The following AOPEP variants were observed in gnomAD, a reference collection of about 807,000 sequenced individuals.
The protein encoded by AOPEP is aminopeptidase O (putative).
In AOPEP, 77 loss-of-function variants were observed where a neutral mutation model predicts 98.1. That is an observed-to-expected ratio of 0.78 (90% CI 0.65 to 0.95). The LOEUF is 0.95. Ranked by LOEUF, AOPEP falls within the 40% of genes least tolerant of loss-of-function variation. AOPEP has a pLI of 0.00. For missense variants in AOPEP, 1,024 were observed against 1,024.7 expected (o/e 1.00, Z 0.01); for synonymous variants, 346 against 365.3 (o/e 0.95, Z 0.60).
intron 13 of AOPEP, among the ~76,000 whole-genome samples, chr9:95,057,650 C>T (rs79218318): frequency 2.6e-5 from 4 of 152,152 alleles, no homozygotes; most frequent in East Asian, 1.9e-4. Context: ...GTGTACTTTG[C>T]GAATGAAAGA....
chr9:94,915,393 T>G (rs2052653038), intron 5 of AOPEP, among the ~76,000 whole-genome samples: 1 of 152,216 alleles, frequency 6.6e-6, no homozygotes, highest in Non-Finnish European at 1.5e-5. Context: ...GATCTAACTT[T>G]GATTTAGCAG....
At chr9:95,077,532 C>G (rs566639336) in intron 14 of AOPEP, among the ~76,000 whole-genome samples, 7 of 152,186 alleles carry the variant, frequency 4.6e-5, no homozygotes, top group Admixed American at 1.3e-4. Flanking sequence ...CAGAAAGACA[C>G]GTTGACCACC....
chr9:95,123,587 G>A, the AOPEP span: 50 of 581,836 alleles, frequency 8.6e-5, 1 homozygote, highest in African/African-American at 5.2e-4. Flanking sequence ...GCCTATTTGC[G>A]ACACGAACTG....
chr9:95,120,465 A>T, the AOPEP span, among the ~76,000 whole-genome samples: 1 of 149,680 alleles, frequency 6.7e-6, no homozygotes, highest in African/African-American at 2.5e-5. Context: ...TCCAGGCTGG[A>T]GTGCAGTGGT....
intron 9 of AOPEP, among the ~76,000 whole-genome samples, chr9:94,959,113 G>A (rs530162536): frequency 1.1e-4 from 17 of 151,824 alleles, no homozygotes; most frequent in African/African-American, 2.9e-4. Flanking sequence ...GCGCGGTCTC[G>A]GCTCACTGCA....
chr9:95,026,111 A>G (rs971625761), intron 13 of AOPEP, among the ~76,000 whole-genome samples: 5 of 152,226 alleles, frequency 3.3e-5, no homozygotes, highest in African/African-American at 1.2e-4. Flanking sequence ...CTCTGAAGTC[A>G]AGAAAGTAAG....
rs148833895 is a variant in AOPEP, at chr9:94,775,790, C to T, written c.964+2622C>T. Among the ~76,000 whole-genome samples the T allele has an allele frequency of 7.3e-3, 1,111 of 152,056 alleles. 15 individuals carry two copies. The highest frequency in any genetic ancestry group is 0.026 in the African/African-American group (1,072 of 41,520). ...GAGATCGAGACCATTCTGGCTAACA[C>T]GGTGAAACCCCATCTCTACTAAAAA... On this transcript the variant is annotated intron_variant, in intron 3 of 16. Coordinates refer to ENST00000375315, the MANE Select transcript of AOPEP (RefSeq NM_001193329.3).
At chr9:94,883,848 A>T (rs1419584330) in intron 5 of AOPEP, among the ~76,000 whole-genome samples, 2 of 152,220 alleles carry the variant, frequency 1.3e-5, no homozygotes, top group Non-Finnish European at 2.9e-5. Flanking sequence ...ATTGTATCTG[A>T]CATACTGAAG....
At chr9:95,100,302 T>G in the AOPEP span, 1 of 232,654 alleles carries the variant, frequency 4.3e-6, no homozygotes, top group Non-Finnish European at 8.5e-6. Flanking sequence ...CACACCCTTC[T>G]GACTGCAGCA....
At chr9:94,955,051 C>T in intron 7 of AOPEP, 126 bp from the exon 8 acceptor site, 1 of 575,146 alleles carries the variant, frequency 1.7e-6, no homozygotes, top group Non-Finnish European at 3.1e-6. Flanking sequence ...CTAAATTATA[C>T]CTGGTACTGT....
intron 5 of AOPEP, among the ~76,000 whole-genome samples, chr9:94,805,422 GGAAGC>G (rs1849045749): frequency 6.6e-6 from 1 of 151,908 alleles, no homozygotes; most frequent in Non-Finnish European, 1.5e-5. Context: ...TCACAGAGAG[GGAAGC>G]TGTGTCTCAT....
At chr9:95,101,636 G>GTCA in the AOPEP span, 1 of 1,596,550 alleles carries the variant, frequency 6.3e-7, no homozygotes, top group Non-Finnish European at 8.5e-7. Context: ...GTGGCCACAG[G>GTCA]TCATCACCTG....
At chr9:94,880,530 A>G (rs1201481671) in intron 5 of AOPEP, among the ~76,000 whole-genome samples, 2 of 151,474 alleles carry the variant, frequency 1.3e-5, no homozygotes, top group Non-Finnish European at 1.5e-5. Flanking sequence ...CCATGCCAAG[A>G]TAATTTGTAG....
chr9:94,775,749 C>T (rs1001200243), intron 3 of AOPEP, among the ~76,000 whole-genome samples: 6 of 151,988 alleles, frequency 3.9e-5, no homozygotes, highest in South Asian at 2.1e-4. Context: ...CCCAGGTGGG[C>T]GGATCATGAT....
intron 5 of AOPEP, among the ~76,000 whole-genome samples, chr9:94,907,554 G>GTT (rs2063034057): frequency 6.6e-6 from 1 of 151,698 alleles, no homozygotes; most frequent in Non-Finnish European, 1.5e-5. Flanking sequence ...AGGGCTGCCT[G>GTT]TTTTTTTGCC....
chr9:95,092,764 T>C, the AOPEP span, among the ~76,000 whole-genome samples: 276 of 152,224 alleles, frequency 1.8e-3, 1 homozygote, highest in South Asian at 3.5e-3. Flanking sequence ...GCTCTCATAG[T>C]CCTCCCTTGC....
At chr9:94,908,397 C>T (rs2051488891) in intron 5 of AOPEP, among the ~76,000 whole-genome samples, 1 of 152,192 alleles carries the variant, frequency 6.6e-6, no homozygotes. Flanking sequence ...GCGGAATGTT[C>T]ACTTTACACT....
chr9:94,778,443 C>CA (rs34475660), intron 3 of AOPEP, among the ~76,000 whole-genome samples: 3,896 of 137,984 alleles, frequency 0.028, 56 homozygotes, highest in South Asian at 0.053. Context: ...ACTGATAAAT[C>CA]AAAAAAAAAA....
At chr9:94,732,247 C>CTT (rs57168878) in intron 1 of AOPEP, among the ~76,000 whole-genome samples, 5,108 of 147,328 alleles carry the variant, frequency 0.035, 229 homozygotes, top group Admixed American at 0.11. Context: ...TTTCAGTCAA[C>CTT]TTTTTTTTTT....
Sources: allele counts gnomAD v4.1 joint callset (sites outside exome capture counted in the v4.1 genomes callset), GRCh38; gene constraint gnomAD v4.1.1; transcripts MANE v1.5; gene names NCBI Gene and HGNC (gene_info 2026-07-23, HGNC 2026-07-21).